Variants in GLI2 observed in about 807,000 individuals in gnomAD.
The protein encoded by GLI2 is transcription activator GLI2.
GLI2 carries 22 observed loss-of-function variants against 78.9 expected under a neutral mutation model. The ratio of observed to expected loss-of-function variants is 0.28; its 90% CI spans 0.20 to 0.40. GLI2 has a LOEUF of 0.40. Among genes scored for constraint, GLI2 ranks in the 10% least tolerant of loss-of-function variants. The probability of loss-of-function intolerance (pLI) is 1.00; values close to 1 mark genes in which losing one functional copy is unlikely to be tolerated. For synonymous variants in GLI2, 974 were observed against 963.7 expected, an observed-to-expected ratio of 1.01 and a Z score of -0.20; for missense variants, 2,097 against 2,213.2, an observed-to-expected ratio of 0.95 and a Z score of 1.05.
chr2:120,790,177 C>G (rs1349054115), intron 1 of GLI2, among the ~76,000 whole-genome samples: 3 of 152,194 alleles, frequency 2.0e-5, no homozygotes, highest in Non-Finnish European at 4.4e-5. Flanking sequence ...TCACAGCCTA[C>G]TGGGTACCAG....
Position 120,829,157 on chromosome 2 carries a change from C to G in GLI2, c.148+31689C>G, listed in dbSNP as rs149596990. Among the ~76,000 whole-genome samples the G allele has an allele frequency of 5.5e-3, 838 of 152,308 alleles. 9 individuals carry two copies. The highest frequency in any genetic ancestry group is 0.019 in the African/African-American group (805 of 41,568). ...CATCACCACGTGCACACCCAGCACC[C>G]ACACGCACCCTTCATACACTTATAC... On this transcript the variant is annotated intron_variant, in intron 2 of 13. Coordinates refer to ENST00000361492, the MANE Select transcript of GLI2 (RefSeq NM_001374353.1).
chr2:120,802,159 T>C (rs536198546), intron 2 of GLI2, among the ~76,000 whole-genome samples: 1 of 152,322 alleles, frequency 6.6e-6, no homozygotes, highest in Non-Finnish European at 1.5e-5. Flanking sequence ...CTCTGTTGCC[T>C]GACTTCCCCT....
At chr2:120,911,730 G>A (rs1010238100) in intron 2 of GLI2, among the ~76,000 whole-genome samples, 1 of 152,116 alleles carries the variant, frequency 6.6e-6, no homozygotes, top group Non-Finnish European at 1.5e-5. Context: ...GGTGGAGGGG[G>A]GTGGCAGAAG....
At chr2:120,902,032 G>C (rs566869452) in intron 2 of GLI2, among the ~76,000 whole-genome samples, 9 of 152,138 alleles carry the variant, frequency 5.9e-5, no homozygotes, top group African/African-American at 2.2e-4. Flanking sequence ...GCTGGAGCCA[G>C]CTCATACCAG....
In GLI2 at chr2:120,805,718, C is replaced by T. The variant is rs182225237; in HGVS notation, c.148+8250C>T. On this transcript the variant is annotated intron_variant, in intron 2 of 13. Transcript: ENST00000361492. ...CCCTCAACCTGGCCCTCCTCCTGGCCCAAACCCCAACTTCCCAAGTGACTG... is the reference window on the plus strand; with the variant it reads ...CCCTCAACCTGGCCCTCCTCCTGGCTCAAACCCCAACTTCCCAAGTGACTG... 2.6e-5 allele frequency among the ~76,000 whole-genome samples: 4 copies of T among 152,316 alleles called. No homozygotes were observed. The East Asian group carries it at 5.8e-4, about 22-fold the overall frequency.
chr2:120,900,656 A>G (rs1678206835), intron 2 of GLI2, among the ~76,000 whole-genome samples: 1 of 152,198 alleles, frequency 6.6e-6, no homozygotes, highest in Admixed American at 6.5e-5. Flanking sequence ...CTCTAGATAA[A>G]CATTATTTGC....
At chr2:120,924,641 C>A (rs370206490) in intron 2 of GLI2, among the ~76,000 whole-genome samples, 1 of 152,164 alleles carries the variant, frequency 6.6e-6, no homozygotes, top group Non-Finnish European at 1.5e-5. Context: ...AGGCCCTTTT[C>A]TACACATTTG....
At chr2:120,839,918 C>G (rs1686789819) in intron 2 of GLI2, among the ~76,000 whole-genome samples, 1 of 152,170 alleles carries the variant, frequency 6.6e-6, no homozygotes, top group South Asian at 2.1e-4. Context: ...TTGGTTGATT[C>G]TCTTTCTCGT....
At chr2:120,886,198 G>A (rs993242957) in intron 2 of GLI2, among the ~76,000 whole-genome samples, 2 of 37,612 alleles carry the variant, frequency 5.3e-5, no homozygotes, top group African/African-American at 4.8e-4. Context: ...GTGTGTGTGT[G>A]TGTGTGTGTG....
chr2:120,846,213 C>G (rs1387763817), intron 2 of GLI2, among the ~76,000 whole-genome samples: 1 of 152,210 alleles, frequency 6.6e-6, no homozygotes, highest in East Asian at 1.9e-4. Context: ...GGTCATTTTC[C>G]TAGCTTGCTG....
At chr2:120,884,991 C>G (rs922465263) in intron 2 of GLI2, among the ~76,000 whole-genome samples, 1 of 152,230 alleles carries the variant, frequency 6.6e-6, no homozygotes, top group Non-Finnish European at 1.5e-5. Context: ...TGGGCTGCTC[C>G]TGGCTCCCTC....
chr2:120,784,620 C>T (rs993864835), intron 1 of GLI2, among the ~76,000 whole-genome samples: 1 of 152,092 alleles, frequency 6.6e-6, no homozygotes, highest in Non-Finnish European at 1.5e-5. Context: ...CTGCCGGACA[C>T]TTGACTTCCA....
At chr2:120,869,874 G>A (rs767371494) in intron 2 of GLI2, among the ~76,000 whole-genome samples, 26 of 152,054 alleles carry the variant, frequency 1.7e-4, no homozygotes, top group Non-Finnish European at 3.1e-4. Flanking sequence ...CCTGCAGGGG[G>A]ACCTTCAGTC....
chr2:120,795,530 A>G, intron 1 of GLI2, among the ~76,000 whole-genome samples: 1 of 93,358 alleles, frequency 1.1e-5, no homozygotes, highest in African/African-American at 1.1e-4. Flanking sequence ...CTAAAATAAA[A>G]AAATGAAAAA....
At chr2:120,798,914 T>C (rs1397777064) in intron 2 of GLI2, among the ~76,000 whole-genome samples, 2 of 152,224 alleles carry the variant, frequency 1.3e-5, no homozygotes, top group African/African-American at 4.8e-5. Flanking sequence ...AAGCCTGGCC[T>C]CTGTGTATGT....
At chr2:120,777,116 T>C (rs1416503092) in intron 1 of GLI2, among the ~76,000 whole-genome samples, 1 of 152,052 alleles carries the variant, frequency 6.6e-6, no homozygotes, top group East Asian at 1.9e-4. Context: ...GTGTGTATGA[T>C]GTGAGAGTGG....
intron 1 of GLI2, among the ~76,000 whole-genome samples, chr2:120,739,384 C>G (rs186427454): frequency 6.6e-6 from 1 of 152,182 alleles, no homozygotes; most frequent in African/African-American, 2.4e-5. Flanking sequence ...GCTTGTGTGA[C>G]CCCCTCACAC....
chr2:120,781,992 C>G (rs908105966), intron 1 of GLI2, among the ~76,000 whole-genome samples: 1 of 151,892 alleles, frequency 6.6e-6, no homozygotes, highest in Middle Eastern at 3.4e-3. Context: ...AGTTCATTTT[C>G]CTAGTTGCAG....
intron 2 of GLI2, among the ~76,000 whole-genome samples, chr2:120,859,061 A>G (rs1007788875): frequency 3.7e-4 from 56 of 152,108 alleles, no homozygotes; most frequent in Admixed American, 3.4e-3. Context: ...GCCTCATTAC[A>G]AGGGTTTTCT....
Sources: allele counts gnomAD v4.1 joint callset (sites outside exome capture counted in the v4.1 genomes callset), GRCh38; gene constraint gnomAD v4.1.1; transcripts MANE v1.5; gene names NCBI Gene and HGNC (gene_info 2026-07-23, HGNC 2026-07-21).